PUDP: variants seen among roughly 807,000 people sequenced by gnomAD.
The protein encoded by PUDP is pseudouridine-5'-phosphatase.
A neutral mutation model predicts 9.4 loss-of-function variants in PUDP; 8 were observed. That is an observed-to-expected ratio of 0.85 (90% CI 0.50 to 1.53). The LOEUF (loss-of-function observed/expected upper bound fraction) is 1.53, where lower values mean the gene tolerates loss of function less well. Ranked by LOEUF, PUDP falls within the 40% of genes most tolerant of loss-of-function variation. The probability of loss-of-function intolerance (pLI) is 0.00; values close to 1 mark genes in which losing one functional copy is unlikely to be tolerated. For missense variants in PUDP, 188 were observed against 189.7 expected (o/e 0.99, Z 0.05); for synonymous variants, 99 against 80.7 (o/e 1.23, Z -1.22).
chrX:7,026,690 G>A (rs1205968030), intron 1 of PUDP, among the ~76,000 whole-genome samples: 1 of 111,555 alleles, frequency 9.0e-6, no homozygotes, highest in Non-Finnish European at 1.9e-5. Context: ...TTGGGAGTGG[G>A]TGCAACTGGC....
At chrX:6,813,091 C>A (rs1926170153) in intron 3 of PUDP, among the ~76,000 whole-genome samples, 1 of 105,818 alleles carries the variant, frequency 9.5e-6, no homozygotes, top group Non-Finnish European at 1.9e-5. Context: ...GAGACACTGT[C>A]TTGAAAGCAA....
chrX:6,977,583 G>A (rs894769806), intron 2 of PUDP, among the ~76,000 whole-genome samples: 8 of 111,936 alleles, frequency 7.1e-5, no homozygotes, highest in African/African-American at 2.6e-4. Context: ...GACTATTAAA[G>A]GCAAGTGATA....
At chrX:6,782,171 C>T (rs1438408084) in intron 3 of PUDP, among the ~76,000 whole-genome samples, 5 of 111,645 alleles carry the variant, frequency 4.5e-5, no homozygotes, top group Non-Finnish European at 5.6e-5. Flanking sequence ...TGGGTTCATG[C>T]CAGGCCGGGA....
At chrX:7,068,218 T>C (rs373300043) in intron 3 of PUDP, among the ~76,000 whole-genome samples, 1 of 112,265 alleles carries the variant, frequency 8.9e-6, no homozygotes, top group Non-Finnish European at 1.9e-5. Context: ...AGAAATGACA[T>C]TGGCTATTAT....
At chrX:6,790,715 C>A (rs1042440788) in intron 3 of PUDP, among the ~76,000 whole-genome samples, 4 of 112,405 alleles carry the variant, frequency 3.6e-5, no homozygotes, top group East Asian at 2.8e-4. Context: ...CACTTATGTG[C>A]TAACTCATGG....
At chrX:7,089,199 G>A (rs1931353206) in intron 2 of PUDP, among the ~76,000 whole-genome samples, 2 of 111,402 alleles carry the variant, frequency 1.8e-5, no homozygotes, top group African/African-American at 6.5e-5. Context: ...CTCCAAACTC[G>A]AAGTTACTAC....
At chrX:7,114,326 C>G (rs749301804) in intron 1 of PUDP, among the ~76,000 whole-genome samples, 1 of 111,341 alleles carries the variant, frequency 9.0e-6, no homozygotes, top group East Asian at 2.9e-4. Context: ...CATGATCCAC[C>G]TGCCTCGGCC....
chrX:6,938,477 C>T (rs1390479999), intron 3 of PUDP, among the ~76,000 whole-genome samples: 12 of 70,205 alleles, frequency 1.7e-4, no homozygotes, highest in Non-Finnish European at 2.6e-4. Context: ...ACTCTGGGGA[C>T]TGTTGTGGGG....
intron 3 of PUDP, among the ~76,000 whole-genome samples, chrX:6,865,943 G>C (rs185003566): frequency 6.2e-3 from 566 of 90,736 alleles, no homozygotes; most frequent in Middle Eastern, 0.012. Flanking sequence ...AAATTTAAGA[G>C]ACAGTTTCTC....
chrX:6,860,347 C>T (rs1001615959), intron 3 of PUDP, among the ~76,000 whole-genome samples: 1 of 110,260 alleles, frequency 9.1e-6, no homozygotes. Flanking sequence ...ACTATGTTTC[C>T]CAGGGTCATC....
chrX:6,974,139 G>A (rs749967380), intron 3 of PUDP, among the ~76,000 whole-genome samples: 1 of 111,519 alleles, frequency 9.0e-6, no homozygotes, highest in Non-Finnish European at 1.9e-5. Context: ...CACACTGATG[G>A]GTCTTGACTC....
intron 3 of PUDP, among the ~76,000 whole-genome samples, chrX:6,734,551 T>A (rs1038983499): frequency 9.0e-6 from 1 of 111,681 alleles, no homozygotes; most frequent in Non-Finnish European, 1.9e-5. Context: ...GGAGGAAGGA[T>A]CGCTTGAGCC....
intron 3 of PUDP, among the ~76,000 whole-genome samples, chrX:6,786,917 G>T (rs1032494548): frequency 9.0e-6 from 1 of 111,006 alleles, no homozygotes; most frequent in African/African-American, 3.3e-5. Context: ...CCTCTTTACT[G>T]CTCTGGGAGG....
chrX:7,098,444 G>C (rs1399552962), intron 2 of PUDP, among the ~76,000 whole-genome samples: 3 of 111,307 alleles, frequency 2.7e-5, no homozygotes, highest in Non-Finnish European at 5.7e-5. Flanking sequence ...CCATCCATGA[G>C]GCTCCACCTT....
At chrX:6,978,508 C>G (rs1186341337) in intron 1 of PUDP, among the ~76,000 whole-genome samples, 1 of 111,873 alleles carries the variant, frequency 8.9e-6, no homozygotes, top group African/African-American at 3.3e-5. Flanking sequence ...CCAGATTGTA[C>G]TCACCATTAA....
At chrX:7,095,309 C>T (rs1007158056) in intron 2 of PUDP, among the ~76,000 whole-genome samples, 5 of 112,311 alleles carry the variant, frequency 4.5e-5, no homozygotes, top group Admixed American at 9.4e-5. Context: ...GTGCTAAGAG[C>T]GACTGCTTCT....
At chrX:6,990,536 C>T (rs1476960788) in intron 1 of PUDP, among the ~76,000 whole-genome samples, 1 of 112,188 alleles carries the variant, frequency 8.9e-6, no homozygotes, top group Non-Finnish European at 1.9e-5. Flanking sequence ...CCTCTCCTGC[C>T]CCAAAAGTAC....
At chrX:6,930,634 A>G (rs1928175047) in intron 3 of PUDP, among the ~76,000 whole-genome samples, 1 of 111,580 alleles carries the variant, frequency 9.0e-6, no homozygotes, top group Non-Finnish European at 1.9e-5. Flanking sequence ...ATAGCCAACC[A>G]GCAGCCCATG....
chrX:6,706,264 G>A (rs1391832881), intron 2 of PUDP: 1 of 112,037 alleles, frequency 8.9e-6, no homozygotes, highest in Non-Finnish European at 1.9e-5. Flanking sequence ...GTGAATGGGA[G>A]TACCAATTGC....
Sources: gnomAD v4.1 joint callset for allele counts (sites outside exome capture counted in the v4.1 genomes callset) on GRCh38, gnomAD v4.1.1 for gene constraint, MANE v1.5 for transcripts, NCBI Gene and HGNC (gene_info 2026-07-23, HGNC 2026-07-21) for gene names.